SPIN1: variants seen among roughly 807,000 people sequenced by gnomAD.
The protein encoded by SPIN1 is spindlin 1.
SPIN1 carries 3 observed loss-of-function variants against 26.0 expected under a neutral mutation model. That is an observed-to-expected ratio of 0.12 (90% confidence interval 0.05 to 0.30). The LOEUF (loss-of-function observed/expected upper bound fraction) is 0.30. SPIN1 is among the 10% of genes least tolerant of loss of function. The probability of loss-of-function intolerance (pLI) is 1.00; values close to 1 mark genes in which losing one functional copy is unlikely to be tolerated. For missense variants in SPIN1, 126 were observed against 333.4 expected (o/e 0.38, Z 4.84); for synonymous variants, 101 against 116.5 (o/e 0.87, Z 0.86).
rs188703364 is a variant in SPIN1 at position 88,397,585 on chromosome 9, C to T, written c.-159+9047C>T. On this transcript the variant is annotated intron_variant, in intron 1 of 5. Coordinates refer to ENST00000375859, the MANE Select transcript of SPIN1 (RefSeq NM_006717.3). ...CATAAGATAAAGAGATTGGACTGTACTGATATTCATCACCGACTCCAACAA... is the reference window on the plus strand; with the variant it reads ...CATAAGATAAAGAGATTGGACTGTATTGATATTCATCACCGACTCCAACAA... Among the ~76,000 whole-genome samples the T allele has an allele frequency of 4.0e-5, 6 of 150,998 alleles. No individual in the cohort carries two copies. In the East Asian group the frequency reaches 1.2e-3, roughly 29 times the overall value.
In SPIN1 at chr9:88,475,070, T is replaced by A. The variant is rs759678004; in HGVS notation, c.590-8T>A. The A allele has an allele frequency of 1.5e-3, 2,008 of 1,300,612 alleles. 25 individuals are homozygous for A. The African/African-American group carries it at 0.027, about 17-fold the overall frequency. 80.6% of individuals were successfully genotyped at this position (1,300,612 alleles called of 1,614,324 possible). A position where few individuals can be genotyped will look rare whatever the true frequency, so the allele number is the denominator to read the frequency against. On this transcript the variant is annotated splice_polypyrimidine_tract_variant and splice_region_variant and intron_variant, in intron 5 of 5. Coordinates refer to ENST00000375859, the MANE Select transcript of SPIN1 (RefSeq NM_006717.3). ...CTCTTTTTTTTTTTTTTTTTTTTTT[T>A]AATATAGATGATTCACCTCCAGCAG...
At chr9:88,467,296 C>T (rs1242339575) in intron 4 of SPIN1, among the ~76,000 whole-genome samples, 4 of 152,128 alleles carry the variant, frequency 2.6e-5, no homozygotes, top group Non-Finnish European at 4.4e-5. Context: ...CAAATACTGA[C>T]CTGCTATGAT....
At chr9:88,403,218 T>C (rs1255953331) in intron 1 of SPIN1, among the ~76,000 whole-genome samples, 3 of 152,220 alleles carry the variant, frequency 2.0e-5, no homozygotes, top group African/African-American at 7.2e-5. Flanking sequence ...GCACATATCA[T>C]TTCCCATTCA....
At chr9:88,407,944 G>C (rs1274412202) in intron 1 of SPIN1, among the ~76,000 whole-genome samples, 1 of 151,538 alleles carries the variant, frequency 6.6e-6, no homozygotes, top group East Asian at 2.0e-4. Context: ...TGTGGTTTTT[G>C]TACAGACAGA....
intron 1 of SPIN1, chr9:88,411,199 T>G (rs1827435842): frequency 8.0e-7 from 1 of 1,248,842 alleles, no homozygotes. Flanking sequence ...TTGAGACAGC[T>G]CTCTTTGGTT....
intron 2 of SPIN1, among the ~76,000 whole-genome samples, chr9:88,432,941 A>T (rs905684163): frequency 6.6e-6 from 1 of 151,936 alleles, no homozygotes; most frequent in Admixed American, 6.6e-5. Flanking sequence ...GTTTCAAACT[A>T]TTGGGCTCAA....
chr9:88,435,330 C>G lies in SPIN1; in HGVS notation c.52+8739C>G, dbSNP rs1264149550. On this transcript the variant is annotated intron_variant, in intron 2 of 5. Coordinates refer to ENST00000375859, the MANE Select transcript of SPIN1 (RefSeq NM_006717.3). Reference sequence around the variant, plus strand: ...TCCTGGACTCAAGCGAATCTCCTACCTCAGCCTCTAAGTCGCTGGGACTAC... The same window carrying G: ...TCCTGGACTCAAGCGAATCTCCTACGTCAGCCTCTAAGTCGCTGGGACTAC... Among the ~76,000 whole-genome samples, 3 of 151,992 alleles carry G rather than the reference C, an allele frequency of 2.0e-5. No individual in the cohort carries two copies. In the East Asian group the frequency reaches 5.9e-4, roughly 30 times the overall value.
rs190301005 is a variant in SPIN1, at chr9:88,400,430, A to C, written c.-159+11892A>C. ...GGGTTCAGTGTTATAGTTCAAGGAG[A>C]TAGAAAGGACTCTTAACAGTTGGGT... On this transcript the variant is annotated intron_variant, in intron 1 of 5. Coordinates refer to ENST00000375859, the MANE Select transcript of SPIN1 (RefSeq NM_006717.3). Among the ~76,000 whole-genome samples the C allele has an allele frequency of 5.7e-4, 87 of 152,260 alleles. 1 individual carries two copies. The highest frequency in any genetic ancestry group is 2.0e-3 in the African/African-American group (84 of 41,540).
intron 1 of SPIN1, among the ~76,000 whole-genome samples, chr9:88,414,577 T>G (rs183064220): frequency 6.6e-6 from 1 of 152,364 alleles, no homozygotes; most frequent in Admixed American, 6.5e-5. Flanking sequence ...AGCGCCTGCA[T>G]GAGAAGACTA....
intron 3 of SPIN1, chr9:88,457,866 CTT>C (rs1828501185): frequency 1.0e-6 from 1 of 984,690 alleles, no homozygotes. Context: ...AAAAACCTTT[CTT>C]GTTTCTAAAT....
chr9:88,442,079 G>A (rs899256786), intron 2 of SPIN1, among the ~76,000 whole-genome samples: 4 of 150,648 alleles, frequency 2.7e-5, no homozygotes, highest in African/African-American at 4.9e-5. Flanking sequence ...AGCCTCCCAA[G>A]TAGCTAGGAT....
At chr9:88,405,013 G>A (rs1367590563) in intron 1 of SPIN1, among the ~76,000 whole-genome samples, 1 of 151,754 alleles carries the variant, frequency 6.6e-6, no homozygotes, top group African/African-American at 2.4e-5. Flanking sequence ...AAGGTCTTCA[G>A]GTGCAATAAC....
intron 3 of SPIN1, among the ~76,000 whole-genome samples, chr9:88,454,088 A>G (rs1206349474): frequency 1.3e-5 from 2 of 152,168 alleles, no homozygotes; most frequent in Admixed American, 6.5e-5. Flanking sequence ...GAGGTTATAG[A>G]TGTTTAATTC....
At chr9:88,390,620 A>G (rs183298698) in intron 1 of SPIN1, among the ~76,000 whole-genome samples, 3 of 152,216 alleles carry the variant, frequency 2.0e-5, no homozygotes, top group Non-Finnish European at 2.9e-5. Flanking sequence ...GCTTAATTCA[A>G]TGTGTCTTCT....
At chr9:88,470,592 G>GCC (rs1216781847) in intron 5 of SPIN1, among the ~76,000 whole-genome samples, 1 of 127,438 alleles carries the variant, frequency 7.8e-6, no homozygotes, top group African/African-American at 4.8e-5. Flanking sequence ...ATGCTTATTG[G>GCC]CCCCCCCCCT....
rs551417828 is a variant in SPIN1, at chr9:88,434,903, T to C, written c.52+8312T>C. On this transcript the variant is annotated intron_variant, in intron 2 of 5. Coordinates refer to ENST00000375859, the MANE Select transcript of SPIN1 (RefSeq NM_006717.3). ...CTCACATCTACTGAAAATGCAAAAA[T>C]TAGCTGGGCATGGTGGTGGGTGCCT... Among the ~76,000 whole-genome samples the C allele has an allele frequency of 1.8e-3, 281 of 151,986 alleles. 9 individuals are homozygous for C. In the South Asian group the frequency reaches 0.046, roughly 25 times the overall value.
At chr9:88,430,664 C>T (rs1229655120) in intron 2 of SPIN1, among the ~76,000 whole-genome samples, 1 of 152,168 alleles carries the variant, frequency 6.6e-6, no homozygotes, top group Non-Finnish European at 1.5e-5. Flanking sequence ...ATCTCATTCA[C>T]ATATCAGGAA....
intron 1 of SPIN1, among the ~76,000 whole-genome samples, chr9:88,425,228 A>T (rs1030838920): frequency 6.6e-6 from 1 of 152,012 alleles, no homozygotes; most frequent in Non-Finnish European, 1.5e-5. Context: ...GAAAAGAGGG[A>T]TATGAGATTT....
At chr9:88,411,461 CATG>C in intron 1 of SPIN1, 2 of 1,208,704 alleles carry the variant, frequency 1.7e-6, no homozygotes, top group Non-Finnish European at 2.4e-6. Flanking sequence ...GTGACTTAGA[CATG>C]ATGGCATGGA....
Sources: gnomAD v4.1 joint callset for allele counts (sites outside exome capture counted in the v4.1 genomes callset) on GRCh38, gnomAD v4.1.1 for gene constraint, MANE v1.5 for transcripts, NCBI Gene and HGNC (gene_info 2026-07-23, HGNC 2026-07-21) for gene names.